SNX25: variants seen among roughly 807,000 people sequenced by gnomAD.
The protein encoded by SNX25 is sorting nexin 25.
Under a neutral mutation model 113.7 loss-of-function variants are expected in SNX25, and 62 were observed. The observed-to-expected ratio is 0.55, with a 90% CI of 0.44 to 0.67. The LOEUF is 0.67. Among genes scored for constraint, SNX25 ranks in the 30% least tolerant of loss-of-function variants. SNX25 has a pLI of 0.00. For synonymous variants in SNX25, 421 were observed against 436.2 expected, an observed-to-expected ratio of 0.97 and a Z score of 0.43; for missense variants, 1,014 against 1,161.0, an observed-to-expected ratio of 0.87 and a Z score of 1.84.
Position 185,263,412 on chromosome 4 carries a change from G to A in SNX25, c.732-1026G>A, listed in dbSNP as rs1233592949. Among the ~76,000 whole-genome samples, 5 of 152,160 alleles carry A rather than the reference G, an allele frequency of 3.3e-5. No individual in the cohort carries two copies. The East Asian group carries it at 9.6e-4, about 29-fold the overall frequency. ...TAATTGAAGATGCCATTTTTAAAAA[G>A]TCAGCGTATCAGTATATGCATAAAG... is the stretch of plus-strand genomic sequence containing the variant. On this transcript the variant is annotated intron_variant, in intron 3 of 18. Coordinates refer to ENST00000652585, the MANE Select transcript of SNX25 (RefSeq NM_001378034.2).
At chr4:185,291,916 A>G (rs914542427) in intron 6 of SNX25, among the ~76,000 whole-genome samples, 5 of 152,332 alleles carry the variant, frequency 3.3e-5, no homozygotes, top group South Asian at 2.1e-4. Context: ...TGGGAACACA[A>G]TTCAACCCAC....
upstream of SNX25, among the ~76,000 whole-genome samples, chr4:185,207,210 CT>C (rs34373262): frequency 0.018 from 1,359 of 76,788 alleles, 6 homozygotes; most frequent in African/African-American, 0.054. Context: ...ACCAGTCACA[CT>C]TTTTTTTTTT....
At chr4:185,209,586 T>A (rs1737393565), upstream of SNX25, 1 of 309,310 alleles carries the variant, frequency 3.2e-6, no homozygotes. This position sits in a 1 kb window ranked among gnomAD's most constrained non-coding sequence, Gnocchi z 5.2. Context: ...CGCGTCAGGC[T>A]GGCCAGGCTT....
chr4:185,278,212 G>T (rs1750032684), intron 5 of SNX25, among the ~76,000 whole-genome samples: 1 of 152,180 alleles, frequency 6.6e-6, no homozygotes, highest in Non-Finnish European at 1.5e-5. Flanking sequence ...CAATGACCCT[G>T]TACTGTAGAG....
intron 1 of SNX25, among the ~76,000 whole-genome samples, chr4:185,239,211 G>A (rs1041976919): frequency 6.6e-6 from 1 of 152,066 alleles, no homozygotes; most frequent in Non-Finnish European, 1.5e-5. Context: ...GCCAGGCGCG[G>A]TGGCTCACAC....
At chr4:185,206,347 A>G (rs774867871), upstream of SNX25, among the ~76,000 whole-genome samples, 18 of 152,196 alleles carry the variant, frequency 1.2e-4, no homozygotes, top group Non-Finnish European at 2.4e-4. Context: ...TCCACATAAC[A>G]ACATTAAGAT....
intron 1 of SNX25, among the ~76,000 whole-genome samples, chr4:185,215,644 ATATAT>A (rs1738688148): frequency 1.3e-5 from 2 of 152,154 alleles, no homozygotes; most frequent in African/African-American, 4.8e-5. Context: ...ATGGCATATA[ATATAT>A]TTACTGTCTT....
At chr4:185,344,894 T>G (rs559435791) in intron 12 of SNX25, among the ~76,000 whole-genome samples, 1 of 152,224 alleles carries the variant, frequency 6.6e-6, no homozygotes, top group Non-Finnish European at 1.5e-5. Context: ...TTGGTCACCT[T>G]AGCACTGTGG....
intron 1 of SNX25, among the ~76,000 whole-genome samples, chr4:185,212,484 TG>T (rs1738013950): frequency 2.0e-5 from 2 of 99,264 alleles, no homozygotes; most frequent in African/African-American, 3.6e-5. Flanking sequence ...TGTGTGTGTG[TG>T]TGTGTGTTTT....
chr4:185,237,064 A>T (rs1334756548), intron 1 of SNX25, among the ~76,000 whole-genome samples: 1 of 152,212 alleles, frequency 6.6e-6, no homozygotes, highest in East Asian at 1.9e-4. Flanking sequence ...ATTTAGGAAA[A>T]CAGTAATATG....
chr4:185,364,224 A>G (rs1295167326), downstream of SNX25: 1 of 152,186 alleles, frequency 6.6e-6, no homozygotes, highest in Non-Finnish European at 1.5e-5. Flanking sequence ...CCCTTGGAGT[A>G]TGGGCAGGGC....
intron 2 of SNX25, among the ~76,000 whole-genome samples, chr4:185,257,650 ATTGT>A (rs1420907808): frequency 7.2e-5 from 11 of 152,018 alleles, no homozygotes; most frequent in South Asian, 2.1e-4. Flanking sequence ...TTTTATTTTT[ATTGT>A]TTATCTTATT....
intron 2 of SNX25, among the ~76,000 whole-genome samples, chr4:185,250,434 G>C (rs1008719024): frequency 6.6e-6 from 1 of 152,142 alleles, no homozygotes; most frequent in African/African-American, 2.4e-5. Flanking sequence ...TCTGTACCCA[G>C]ATTTCATGGT....
intron 5 of SNX25, 60 bp downstream of exon 5, chr4:185,267,215 A>G: frequency 7.0e-7 from 1 of 1,431,664 alleles, no homozygotes; most frequent in Non-Finnish European, 9.5e-7. Flanking sequence ...CTGCCTAGTT[A>G]GGTTAAAAAA....
chr4:185,302,845 C>T (rs756970712), intron 6 of SNX25, among the ~76,000 whole-genome samples: 3 of 152,206 alleles, frequency 2.0e-5, no homozygotes, highest in Non-Finnish European at 4.4e-5. Context: ...CTTGAACCTC[C>T]AGCACTACCT....
chr4:185,224,527 AC>A (rs1740620710), intron 1 of SNX25, among the ~76,000 whole-genome samples: 3 of 103,458 alleles, frequency 2.9e-5, no homozygotes, highest in African/African-American at 7.4e-5. Flanking sequence ...AAATATATAT[AC>A]ATATATATAA....
downstream of SNX25, among the ~76,000 whole-genome samples, chr4:185,368,278 GA>G (rs1416844841): frequency 6.6e-6 from 1 of 152,198 alleles, no homozygotes; most frequent in East Asian, 1.9e-4. Context: ...TGGTTTCACA[GA>G]AACCTAACAC....
intron 1 of SNX25, among the ~76,000 whole-genome samples, chr4:185,240,853 G>A (rs1743805089): frequency 6.6e-6 from 1 of 151,242 alleles, no homozygotes; most frequent in Non-Finnish European, 1.5e-5. Flanking sequence ...GGGCGGCCGG[G>A]CAGAGACGCT....
chr4:185,288,739 T>A (rs1459200112), intron 6 of SNX25, among the ~76,000 whole-genome samples: 1 of 152,158 alleles, frequency 6.6e-6, no homozygotes, highest in East Asian at 1.9e-4. Context: ...GGCTCTCAAC[T>A]CCCTTGTAGT....
Sources: gnomAD v4.1 joint callset for allele counts (sites outside exome capture counted in the v4.1 genomes callset) on GRCh38, gnomAD v4.1.1 for gene constraint, Gnocchi (gnomAD v3.1) non-coding constraint, MANE v1.5 for transcripts, NCBI Gene and HGNC (gene_info 2026-07-23, HGNC 2026-07-21) for gene names.